CTNNA2: variants seen among roughly 807,000 people sequenced by gnomAD.
CTNNA2 encodes the protein catenin alpha 2, also known as catenin alpha-2.
In CTNNA2, 42 loss-of-function variants were observed where a neutral mutation model predicts 101.0. The observed-to-expected ratio is 0.42, with a 90% CI of 0.32 to 0.54. The LOEUF is 0.54. CTNNA2 is among the 20% of genes least tolerant of loss of function. The pLI is 0.14. For synonymous variants in CTNNA2, 450 were observed against 456.4 expected (o/e 0.99, Z 0.18); for missense variants, 871 against 1,223.1 (o/e 0.71, Z 4.29).
At chr2:79,488,289 G>T (rs1671176390) in intron 4 of CTNNA2, among the ~76,000 whole-genome samples, 1 of 132,726 alleles carries the variant, frequency 7.5e-6, no homozygotes. Context: ...TTGAACTCCA[G>T]CCTGGGCAAC....
At chr2:80,597,904 A>AGT (rs1329865598) in intron 15 of CTNNA2, among the ~76,000 whole-genome samples, 2 of 152,226 alleles carry the variant, frequency 1.3e-5, no homozygotes, top group Non-Finnish European at 2.9e-5. Flanking sequence ...TGTGGAAGAC[A>AGT]GTGTGGTGAT....
intron 7 of CTNNA2, among the ~76,000 whole-genome samples, chr2:80,137,266 G>C (rs976799366): frequency 6.6e-6 from 1 of 152,138 alleles, no homozygotes; most frequent in Admixed American, 6.6e-5. Flanking sequence ...CTAATTGAGG[G>C]ATAGGAGTTT....
At chr2:80,154,234 T>A (rs933021714) in intron 7 of CTNNA2, among the ~76,000 whole-genome samples, 5 of 151,868 alleles carry the variant, frequency 3.3e-5, no homozygotes, top group African/African-American at 1.2e-4. Flanking sequence ...CTATTAAGCA[T>A]TTTTTTTCCT....
intron 2 of CTNNA2, among the ~76,000 whole-genome samples, chr2:79,297,426 A>C (rs1395386993): frequency 6.6e-6 from 1 of 152,164 alleles, no homozygotes; most frequent in Non-Finnish European, 1.5e-5. Context: ...AAGAGTTTTT[A>C]AACAAATTCT....
chr2:80,490,346 C>T (rs541134983), intron 9 of CTNNA2, among the ~76,000 whole-genome samples: 43 of 129,854 alleles, frequency 3.3e-4, no homozygotes, highest in African/African-American at 1.1e-3. Context: ...AGTTTCTGGT[C>T]TCTAACACAG....
intron 3 of CTNNA2, among the ~76,000 whole-genome samples, chr2:79,339,273 C>T (rs914357754): frequency 6.6e-6 from 1 of 152,094 alleles, no homozygotes; most frequent in Non-Finnish European, 1.5e-5. Flanking sequence ...AAGAGAAGAG[C>T]ATTTCAAGGG....
chr2:79,449,264 T>G (rs779831104), intron 4 of CTNNA2, among the ~76,000 whole-genome samples: 1 of 151,970 alleles, frequency 6.6e-6, no homozygotes, highest in Non-Finnish European at 1.5e-5. Context: ...ATGGAAGTGA[T>G]AAGAAATTGA....
rs538267075 is a variant in CTNNA2, at chr2:80,321,264, A to G, written c.1057-71947A>G. Among the ~76,000 whole-genome samples the G allele has an allele frequency of 1.4e-4, 22 of 152,202 alleles. 1 individual carries two copies. The East Asian group carries it at 4.1e-3, about 28-fold the overall frequency. ...CTCCTGGAAAAAAAAAGGAAATTGG[A>G]GAGGCTTTGGAGGTTTCATTGGGAG... On this transcript the variant is annotated intron_variant, in intron 7 of 18. Transcript: ENST00000402739.
chr2:80,516,043 T>C (rs1333081851), intron 9 of CTNNA2, among the ~76,000 whole-genome samples: 2 of 152,334 alleles, frequency 1.3e-5, no homozygotes, highest in Non-Finnish European at 1.5e-5. Flanking sequence ...AGTGTATAGA[T>C]GACCTCCTTC....
chr2:79,638,070 A>G (rs1454063384), intron 1 of CTNNA2, among the ~76,000 whole-genome samples: 1 of 152,234 alleles, frequency 6.6e-6, no homozygotes, highest in Non-Finnish European at 1.5e-5. Flanking sequence ...TCACTCCAGC[A>G]TACCAGGACT....
At chr2:79,832,484 T>C (rs1042523607) in intron 3 of CTNNA2, among the ~76,000 whole-genome samples, 1 of 152,244 alleles carries the variant, frequency 6.6e-6, no homozygotes, top group Non-Finnish European at 1.5e-5. Context: ...ATAAATATTA[T>C]GCCATTTACA....
chr2:79,890,237 A>G (rs1467068506), intron 6 of CTNNA2, among the ~76,000 whole-genome samples: 2 of 152,216 alleles, frequency 1.3e-5, no homozygotes, highest in African/African-American at 2.4e-5. Flanking sequence ...AAAAGATGAC[A>G]TAGACTGTGG....
intron 2 of CTNNA2, among the ~76,000 whole-genome samples, chr2:79,271,066 C>A (rs1184648999): frequency 6.6e-6 from 1 of 152,032 alleles, no homozygotes; most frequent in Non-Finnish European, 1.5e-5. Flanking sequence ...AGGCAGAAGT[C>A]AGACTTTGGA....
chr2:80,192,686 T>A (rs1020270902), intron 7 of CTNNA2, among the ~76,000 whole-genome samples: 3 of 152,094 alleles, frequency 2.0e-5, no homozygotes, highest in Admixed American at 1.3e-4. Context: ...CCACATTTTT[T>A]GTATTTTTAG....
intron 3 of CTNNA2, among the ~76,000 whole-genome samples, chr2:79,747,139 T>C (rs1202491041): frequency 6.6e-6 from 1 of 152,198 alleles, no homozygotes; most frequent in Non-Finnish European, 1.5e-5. Context: ...TTCATCTCTA[T>C]TATACTAACT....
chr2:80,279,182 G>C (rs1346553751), intron 7 of CTNNA2, among the ~76,000 whole-genome samples: 2 of 151,970 alleles, frequency 1.3e-5, no homozygotes, highest in South Asian at 2.1e-4. Context: ...CCTGAGGCAA[G>C]AGACCTTGAT....
chr2:79,654,311 A>G (rs1200018365), intron 2 of CTNNA2, among the ~76,000 whole-genome samples: 1 of 152,170 alleles, frequency 6.6e-6, no homozygotes, highest in Non-Finnish European at 1.5e-5. Flanking sequence ...TCACAAATGT[A>G]TTAGCTTAAT....
intron 7 of CTNNA2, among the ~76,000 whole-genome samples, chr2:80,068,813 C>T (rs571578779): frequency 2.4e-4 from 36 of 152,256 alleles, no homozygotes; most frequent in African/African-American, 8.4e-4. Context: ...CACATGTTTT[C>T]GTATGAGACT....
rs1178051654 is a variant in CTNNA2, at chr2:80,192,143, CTT to C, written c.1057-201066_1057-201065del. 5.9e-5 allele frequency among the ~76,000 whole-genome samples: 9 copies of C among 152,282 alleles called. No individual in the cohort carries two copies. The South Asian group carries it at 1.7e-3, about 28-fold the overall frequency. On this transcript the variant is annotated intron_variant, in intron 7 of 18. Transcript: ENST00000402739. ...TGGAATCACAGAATTGCAGACATAACTTTGGAGGAACTCTGATCTAACCATCT... is the reference window on the plus strand; with the variant it reads ...TGGAATCACAGAATTGCAGACATAACTGGAGGAACTCTGATCTAACCATCT...
Sources: allele counts gnomAD v4.1 joint callset (sites outside exome capture counted in the v4.1 genomes callset), GRCh38; gene constraint gnomAD v4.1.1; transcripts MANE v1.5; gene names NCBI Gene and HGNC (gene_info 2026-07-23, HGNC 2026-07-21).